AGBL4: variants seen among roughly 807,000 people sequenced by gnomAD.
AGBL4 encodes cytosolic carboxypeptidase 6.
Under a neutral mutation model 66.4 loss-of-function variants are expected in AGBL4, and 58 were observed. The observed-to-expected ratio is 0.87, with a 90% CI of 0.71 to 1.09. AGBL4 has a LOEUF of 1.09. Among genes scored for constraint, AGBL4 ranks in the 50% least tolerant of loss-of-function variants. The pLI, the probability that AGBL4 is intolerant of heterozygous loss-of-function variation, is 0.00. For missense variants in AGBL4, 579 were observed against 631.0 expected (o/e 0.92, Z 0.88); for synonymous variants, 234 against 222.9 (o/e 1.05, Z -0.44).
intron 11 of AGBL4, among the ~76,000 whole-genome samples, chr1:48,553,116 G>A (rs567472665): frequency 4.6e-5 from 7 of 151,948 alleles, no homozygotes; most frequent in Admixed American, 1.3e-4. Context: ...TCATTCCCCT[G>A]CTCCTCCAAT....
intron 6 of AGBL4, among the ~76,000 whole-genome samples, chr1:48,744,679 A>G (rs1166035722): frequency 1.3e-5 from 2 of 152,178 alleles, no homozygotes; most frequent in Non-Finnish European, 2.9e-5. Context: ...ATCTCTATAA[A>G]GGCCATCAAA....
At chr1:49,771,230 A>G (rs1370737445) in intron 2 of AGBL4, among the ~76,000 whole-genome samples, 1 of 151,992 alleles carries the variant, frequency 6.6e-6, no homozygotes, top group African/African-American at 2.4e-5. Context: ...GTAATTTTTA[A>G]TTTACATTTT....
At chr1:49,842,616 T>C (rs1335021846) in intron 2 of AGBL4, among the ~76,000 whole-genome samples, 1 of 151,672 alleles carries the variant, frequency 6.6e-6, no homozygotes, top group African/African-American at 2.4e-5. Flanking sequence ...GGTGAGGGAG[T>C]GGGGGAGACA....
At chr1:49,938,847 G>C (rs1415207525) in intron 1 of AGBL4, among the ~76,000 whole-genome samples, 4 of 151,944 alleles carry the variant, frequency 2.6e-5, no homozygotes, top group African/African-American at 9.7e-5. Context: ...GGAAGTTCTG[G>C]CCAGGGCAAT....
intron 3 of AGBL4, among the ~76,000 whole-genome samples, chr1:49,287,496 A>T (rs1426096599): frequency 1.5e-4 from 23 of 150,768 alleles, no homozygotes; most frequent in South Asian, 2.1e-4. Flanking sequence ...GAATCTACAA[A>T]GAACTCAAAC....
At chr1:49,955,106 T>C (rs1458530044) in intron 1 of AGBL4, among the ~76,000 whole-genome samples, 1 of 151,904 alleles carries the variant, frequency 6.6e-6, no homozygotes, top group Non-Finnish European at 1.5e-5. Flanking sequence ...ACTGCAGTTG[T>C]GACTCGCTTA....
At position 49,770,404 on chromosome 1, in the gene AGBL4, T is replaced by C. The variant is rs374518890; in HGVS notation, c.158-72967A>G. 3.3e-4 allele frequency among the ~76,000 whole-genome samples: 50 copies of C among 152,324 alleles called. 1 individual carries two copies. In the South Asian group the frequency reaches 9.5e-3, roughly 29 times the overall value. The stretch of plus-strand genomic sequence containing the variant: ...TTGTAGCAGATGATGTTTTTTAATT[T>C]GCTGTTGAATTCAGTTTGCCGGTGT... On this transcript the variant is annotated intron_variant, in intron 2 of 13. Coordinates refer to ENST00000371839, the MANE Select transcript of AGBL4 (RefSeq NM_032785.4).
At chr1:49,164,737 T>C (rs1646603047) in intron 4 of AGBL4, among the ~76,000 whole-genome samples, 1 of 152,330 alleles carries the variant, frequency 6.6e-6, no homozygotes, top group East Asian at 1.9e-4. Flanking sequence ...TTAAATTATG[T>C]TTGTTTGCTT....
chr1:49,889,846 G>A (rs1341983275), intron 1 of AGBL4, among the ~76,000 whole-genome samples: 3 of 152,066 alleles, frequency 2.0e-5, no homozygotes, highest in South Asian at 2.1e-4. Context: ...TCACATTGCC[G>A]AACAAAGTGT....
At chr1:48,568,665 A>G (rs1233709007) in intron 11 of AGBL4, among the ~76,000 whole-genome samples, 1 of 152,160 alleles carries the variant, frequency 6.6e-6, no homozygotes, top group Non-Finnish European at 1.5e-5. Flanking sequence ...AGCTCCAGAC[A>G]ATTCCAGCTC....
Position 48,686,208 on chromosome 1 carries a change from T to G in AGBL4, c.635-22967A>C, listed in dbSNP as rs1646528644. Among the ~76,000 whole-genome samples, 11 of 152,276 alleles carry G rather than the reference T, an allele frequency of 7.2e-5. No individual in the cohort carries two copies. In the South Asian group the frequency reaches 2.3e-3, roughly 32 times the overall value. On this transcript the variant is annotated intron_variant, in intron 6 of 13. Transcript: ENST00000371839. ...TAGTTATTACCGCCTCCAGGAAGAC[T>G]TACCCACAGTCTCCTTGCCCTCACC... is the stretch of plus-strand genomic sequence containing the variant.
At chr1:48,797,664 C>G (rs774051195) in intron 6 of AGBL4, among the ~76,000 whole-genome samples, 14 of 151,990 alleles carry the variant, frequency 9.2e-5, no homozygotes, top group Non-Finnish European at 1.8e-4. Flanking sequence ...GTGGCACAAT[C>G]TCGGCTCACT....
chr1:48,897,893 T>C (rs1372486587), intron 5 of AGBL4, among the ~76,000 whole-genome samples: 4 of 148,288 alleles, frequency 2.7e-5, no homozygotes, highest in African/African-American at 9.9e-5. Flanking sequence ...CACTGCAACC[T>C]CTGCCTCCTG....
chr1:49,372,342 G>A (rs530243413), intron 3 of AGBL4, among the ~76,000 whole-genome samples: 10 of 152,216 alleles, frequency 6.6e-5, no homozygotes, highest in Non-Finnish European at 2.9e-5. Flanking sequence ...TTTCATCCAT[G>A]TCAGTTCAGT....
chr1:49,671,422 G>A (rs986189024), intron 3 of AGBL4, among the ~76,000 whole-genome samples: 7 of 152,082 alleles, frequency 4.6e-5, no homozygotes, highest in Non-Finnish European at 7.4e-5. Flanking sequence ...ACGTGGGAAC[G>A]GGCAAAGATT....
rs752938210 is a variant in AGBL4, at chr1:48,587,126, G to T, written c.1145C>A (p.Thr382Asn). 11 of 1,566,034 alleles carry T rather than the reference G, an allele frequency of 7.0e-6. No individual in the cohort carries two copies. The South Asian group carries it at 1.2e-4, about 17-fold the overall frequency. ...GAGTCCACCGAGGAAGCGACGGCCA[G>T]TTCCTGCTTTCACAGCGTCCCGGTT... ...SFNRDAVKAGTGRRFLGGLLD... is the reference protein window; with the variant it reads ...SFNRDAVKAGNGRRFLGGLLD... Residue 382 changes from threonine (T) to asparagine (N), a missense_variant, in exon 11 of 14, where the codon ACT becomes AAT. Physicochemically the swap from Thr to Asn is moderately conservative, Grantham distance 65. Transcript: ENST00000371839.
At chr1:49,898,286 C>T (rs2148183657) in intron 1 of AGBL4, among the ~76,000 whole-genome samples, 1 of 152,018 alleles carries the variant, frequency 6.6e-6, no homozygotes, top group South Asian at 2.1e-4. Context: ...GCTAGTAATT[C>T]AATTTAAAAA....
At chr1:49,066,835 G>C (rs1571362299) in intron 4 of AGBL4, among the ~76,000 whole-genome samples, 1 of 152,160 alleles carries the variant, frequency 6.6e-6, no homozygotes, top group East Asian at 1.9e-4. Context: ...GAGACCTGGA[G>C]CCCTGCCTAT....
At chr1:49,158,870 A>G (rs956964598) in intron 4 of AGBL4, among the ~76,000 whole-genome samples, 1 of 150,490 alleles carries the variant, frequency 6.6e-6, no homozygotes, top group Non-Finnish European at 1.5e-5. Flanking sequence ...CTGTTTTATC[A>G]GACTAGGATT....
Sources: allele counts gnomAD v4.1 joint callset (sites outside exome capture counted in the v4.1 genomes callset), GRCh38; gene constraint gnomAD v4.1.1; transcripts MANE v1.5; gene names NCBI Gene and HGNC (gene_info 2026-07-23, HGNC 2026-07-21).